The following P2RX7 variants were observed in gnomAD, a reference collection of about 807,000 sequenced individuals.
P2RX7 encodes the protein P2X purinoceptor 7.
A neutral mutation model predicts 71.6 loss-of-function variants in P2RX7; 62 were observed. The ratio of observed to expected loss-of-function variants is 0.87; its 90% CI spans 0.71 to 1.07. The LOEUF (loss-of-function observed/expected upper bound fraction) is 1.07, where lower values mean the gene tolerates loss of function less well. P2RX7 is among the 50% of genes least tolerant of loss of function. The probability of loss-of-function intolerance (pLI) is 0.00; values close to 1 mark genes in which losing one functional copy is unlikely to be tolerated. For missense variants in P2RX7, 686 were observed against 748.5 expected (o/e 0.92, Z 0.97); for synonymous variants, 299 against 283.3 (o/e 1.06, Z -0.56).
At position 121,184,772 on chromosome 12, in the gene P2RX7, G is replaced by T; in HGVS notation, c.1758G>T (p.Gly586=). Residue 586 remains glycine (G), a synonymous_variant, in exon 13 of 13, where the codon GGG becomes GGT. Coordinates refer to ENST00000328963, the MANE Select transcript of P2RX7 (RefSeq NM_002562.6). ...RIRKEFPKSE[G]QYSGFKSPY Reference sequence around the variant, plus strand: ...GGAAAGAGTTTCCGAAGAGTGAAGGGCAGTACAGTGGCTTCAAGAGTCCTT... The same window carrying T: ...GGAAAGAGTTTCCGAAGAGTGAAGGTCAGTACAGTGGCTTCAAGAGTCCTT... 2 of 1,551,444 alleles carry T rather than the reference G, an allele frequency of 1.3e-6. No individual in the cohort carries two copies. The highest frequency in any genetic ancestry group is 1.7e-6 in the Non-Finnish European group (2 of 1,147,136).
At chr12:121,161,751 C>T (rs144013120) in intron 4 of P2RX7, among the ~76,000 whole-genome samples, 3,076 of 147,876 alleles carry the variant, frequency 0.021, 102 homozygotes, top group African/African-American at 0.075. Flanking sequence ...AAGATCATGC[C>T]ACTGCACTCC....
chr12:121,158,160 C>T (rs2136055124), intron 3 of P2RX7, among the ~76,000 whole-genome samples: 1 of 152,310 alleles, frequency 6.6e-6, no homozygotes, highest in African/African-American at 2.4e-5. Context: ...TACACACCAA[C>T]ATGAATAGAT....
intron 8 of P2RX7, among the ~76,000 whole-genome samples, chr12:121,173,530 C>T (rs1798403075): frequency 6.6e-6 from 1 of 152,112 alleles, no homozygotes; most frequent in African/African-American, 2.4e-5. Context: ...GGGGCCACAC[C>T]ACACCATACC....
intron 1 of P2RX7, among the ~76,000 whole-genome samples, chr12:121,141,808 A>G (rs1329175450): frequency 6.6e-6 from 1 of 152,150 alleles, no homozygotes; most frequent in Non-Finnish European, 1.5e-5. Context: ...GTGGGTGATC[A>G]TGACCTGAAC....
chr12:121,134,684 G>A (rs890410342), intron 1 of P2RX7, among the ~76,000 whole-genome samples: 9 of 152,114 alleles, frequency 5.9e-5, no homozygotes, highest in South Asian at 2.1e-4. Context: ...GAGCCGCCAC[G>A]CCCGGCTGAT....
chr12:121,143,413 G>T (rs550839547), intron 1 of P2RX7, among the ~76,000 whole-genome samples: 1 of 151,640 alleles, frequency 6.6e-6, no homozygotes, highest in South Asian at 2.1e-4. Flanking sequence ...AATTAACCAG[G>T]CATGGTGCTG....
At chr12:121,146,708 T>C (rs758763661) in intron 1 of P2RX7, among the ~76,000 whole-genome samples, 2 of 152,212 alleles carry the variant, frequency 1.3e-5, no homozygotes, top group Non-Finnish European at 2.9e-5. Context: ...CACCCAGAAG[T>C]TGTCCTATGG....
chr12:121,176,751 C>CAA (rs34853051), intron 9 of P2RX7, among the ~76,000 whole-genome samples: 6,508 of 68,330 alleles, frequency 0.095, 237 homozygotes, highest in Non-Finnish European at 0.13. Flanking sequence ...GACTCTGTCT[C>CAA]AAAAAAAAAA....
chr12:121,150,469 T>C (rs999750410), intron 1 of P2RX7, among the ~76,000 whole-genome samples: 1 of 152,214 alleles, frequency 6.6e-6, no homozygotes, highest in African/African-American at 2.4e-5. Context: ...ATGTATGTGT[T>C]GGGATGCTGG....
At chr12:121,153,798 C>T (rs1453117143) in intron 1 of P2RX7, among the ~76,000 whole-genome samples, 4 of 152,002 alleles carry the variant, frequency 2.6e-5, no homozygotes, top group African/African-American at 4.8e-5. Context: ...GTACTTGGCA[C>T]ATATGAAGTG....
In P2RX7 at chr12:121,133,036, G is replaced by C; in HGVS notation, c.66G>C (p.Gln22His). 1 of 1,614,124 alleles carries C rather than the reference G, an allele frequency of 6.2e-7. No individual in the cohort carries two copies. The highest frequency in any genetic ancestry group is 8.5e-7 in the Non-Finnish European group (1 of 1,179,988). The change falls in exon 1 of 13, where the codon CAG (glutamine) becomes CAC (histidine). Residue 22 changes from glutamine (Q) to histidine (H), a missense_variant. Coordinates refer to ENST00000328963, the MANE Select transcript of P2RX7 (RefSeq NM_002562.6). ...QYETNKVTRI[Q>H]SMNYGTIKWF... ...AGACGAACAAAGTCACTCGGATCCA[G>C]AGCATGAATTATGGCACCATTAAGT...
rs1880974403 is a variant in P2RX7, at chr12:121,166,166, T to C, written c.723T>C (p.Asn241=). Residue 241 remains asparagine (N), a synonymous_variant, in exon 7 of 13, where the codon AAT becomes AAC. Coordinates refer to ENST00000328963, the MANE Select transcript of P2RX7 (RefSeq NM_002562.6). ...LGDIFRETGD[N]FSDVAIQGGI... is the part of the protein sequence containing the mutation. ...ACATCTTCCGAGAAACAGGCGATAA[T>C]TTTTCAGATGTGGCAATTCAGGTTG... The C allele has an allele frequency of 1.9e-6, 3 of 1,613,594 alleles. No homozygotes were observed. In the South Asian group the frequency reaches 3.3e-5, roughly 18 times the overall value.
rs1016984887 is a variant in P2RX7, at chr12:121,187,179, A to G, written c.*2377A>G. ...TTTATCGAATAGTTTAGAGACCACTATTAAATATTGTGACTGATGAAGGAT... is the reference window on the plus strand; with the variant it reads ...TTTATCGAATAGTTTAGAGACCACTGTTAAATATTGTGACTGATGAAGGAT... On this transcript the variant is annotated 3_prime_UTR_variant, in exon 13 of 13. Coordinates refer to ENST00000328963, the MANE Select transcript of P2RX7 (RefSeq NM_002562.6). The G allele has an allele frequency of 1.3e-5, 2 of 152,216 alleles. No individual in the cohort carries two copies. The highest frequency in any genetic ancestry group is 4.8e-5 in the African/African-American group (2 of 41,458). The allele number at this position is 152,216 out of a possible 1,614,324, so 9.4% of individuals were successfully genotyped here. A position where few individuals can be genotyped will look rare whatever the true frequency, so the allele number is the denominator to read the frequency against.
At chr12:121,155,552 C>A (rs1653585) in intron 2 of P2RX7, among the ~76,000 whole-genome samples, 15,460 of 152,052 alleles carry the variant, frequency 0.1, 956 homozygotes, top group African/African-American at 0.18. Context: ...GCGAGAGGGA[C>A]AAAGGGGCAC....
At chr12:121,138,535 G>A (rs1470932523) in intron 1 of P2RX7, among the ~76,000 whole-genome samples, 1 of 152,252 alleles carries the variant, frequency 6.6e-6, no homozygotes, top group Non-Finnish European at 1.5e-5. Flanking sequence ...CGAGGGAGCC[G>A]TGTGAGCCCT....
Position 121,180,385 on chromosome 12 carries a change from C to A in P2RX7, c.1220C>A (p.Ser407Tyr). The A allele has an allele frequency of 6.2e-7, 1 of 1,602,088 alleles. No homozygotes were observed. Among genetic ancestry groups the A allele is most frequent in the Non-Finnish European group, 8.5e-7 (1 of 1,172,636 alleles). Residue 407 changes from serine to tyrosine, a missense_variant, in exon 12 of 13, where the codon TCC becomes TAC. Physicochemically the swap from Ser to Tyr is moderately radical, Grantham distance 144. Transcript: ENST00000328963. ...TLKYVSFVDESHIRMVNQQLL... is the reference protein window; with the variant it reads ...TLKYVSFVDEYHIRMVNQQLL... ...AAGTATGTGTCCTTTGTGGATGAATCCCACATTAGGATGGTGAACCAGCAG... is the reference window on the plus strand; with the variant it reads ...AAGTATGTGTCCTTTGTGGATGAATACCACATTAGGATGGTGAACCAGCAG...
At chr12:121,177,015 C>A (rs1883268309) in intron 9 of P2RX7, 132 bp from the exon 10 acceptor site, 1 of 734,818 alleles carries the variant, frequency 1.4e-6, no homozygotes, top group East Asian at 2.7e-5. Context: ...TCTGCCTCAG[C>A]CAGCACTTGA....
Position 121,177,463 on chromosome 12 carries a change from C to T in P2RX7, c.1188+17C>T. Reference sequence around the variant, plus strand: ...CCAAAGCCGGTGAGGCCGCTGTGTTCACAGGACACCAAGACATGGAGAGAT... The same window carrying T: ...CCAAAGCCGGTGAGGCCGCTGTGTTTACAGGACACCAAGACATGGAGAGAT... On this transcript the variant is annotated intron_variant, in intron 11 of 12. Transcript: ENST00000328963. The T allele has an allele frequency of 6.2e-7, 1 of 1,610,882 alleles. No individual in the cohort carries two copies. Among genetic ancestry groups the T allele is most frequent in the East Asian group, 2.2e-5 (1 of 44,882 alleles).
At chr12:121,145,491 C>A (rs1846424922) in intron 1 of P2RX7, among the ~76,000 whole-genome samples, 1 of 140,736 alleles carries the variant, frequency 7.1e-6, no homozygotes, top group African/African-American at 3.2e-5. Flanking sequence ...ATGACTCGCC[C>A]TTTCTTTCTT....
Sources: allele counts gnomAD v4.1 joint callset (sites outside exome capture counted in the v4.1 genomes callset), GRCh38; gene constraint gnomAD v4.1.1; transcripts MANE v1.5; gene names NCBI Gene and HGNC (gene_info 2026-07-23, HGNC 2026-07-21).